RBKS: variants seen among roughly 807,000 people sequenced by gnomAD.
The protein encoded by RBKS is ribokinase.
Under a neutral mutation model 33.9 loss-of-function variants are expected in RBKS, and 33 were observed. That is an observed-to-expected ratio of 0.97 (90% CI 0.74 to 1.30). The LOEUF is 1.30. Among genes scored for constraint, RBKS ranks in the 50% most tolerant of loss-of-function variants. The pLI is 0.00. For synonymous variants in RBKS, 125 were observed against 143.0 expected (o/e 0.87, Z 0.90); for missense variants, 361 against 392.6 (o/e 0.92, Z 0.68).
At chr2:27,865,386 C>T (rs982298324) in intron 1 of RBKS, among the ~76,000 whole-genome samples, 2 of 152,126 alleles carry the variant, frequency 1.3e-5, no homozygotes, top group African/African-American at 4.8e-5. Flanking sequence ...CTCAGAAAGT[C>T]CTGATCATGC....
chr2:27,817,141 A>G lies in RBKS; in HGVS notation c.795+10426T>C, dbSNP rs78179193. Among the ~76,000 whole-genome samples the G allele has an allele frequency of 8.3e-3, 1,261 of 152,284 alleles. 13 individuals carry two copies. Among genetic ancestry groups the G allele is most frequent in the African/African-American group, 0.029 (1,190 of 41,556 alleles). On this transcript the variant is annotated intron_variant, in intron 7 of 7. Coordinates refer to ENST00000302188, the MANE Select transcript of RBKS (RefSeq NM_022128.3). Reference sequence around the variant, plus strand: ...ACCAGAACTCTTTTATTATTTGCAGAGGGCCTGTTATTATATGCCAAGCAT... The same window carrying G: ...ACCAGAACTCTTTTATTATTTGCAGGGGGCCTGTTATTATATGCCAAGCAT...
rs145379731 is a variant in RBKS, at chr2:27,842,122, C to A, written c.514+945G>T. On this transcript the variant is annotated intron_variant, in intron 5 of 7. Transcript: ENST00000302188. ...AAATCAGGTAATTCTGCTAGGACCA[C>A]GAAGCTGACAAGGGACAGAAATGGG... Among the ~76,000 whole-genome samples, 966 of 152,222 alleles carry A rather than the reference C, an allele frequency of 6.3e-3. 7 individuals are homozygous for A. Among genetic ancestry groups the A allele is most frequent in the Non-Finnish European group, 7.9e-3 (538 of 68,032 alleles).
At chr2:27,785,479 G>A (rs1449559125) in intron 7 of RBKS, among the ~76,000 whole-genome samples, 4 of 152,060 alleles carry the variant, frequency 2.6e-5, no homozygotes, top group Non-Finnish European at 4.4e-5. Context: ...AATGTGTAAC[G>A]CTCGGATGGG....
chr2:27,825,322 T>G lies in RBKS; in HGVS notation c.795+2245A>C, dbSNP rs138692959. On this transcript the variant is annotated intron_variant, in intron 7 of 7. Coordinates refer to ENST00000302188, the MANE Select transcript of RBKS (RefSeq NM_022128.3). The stretch of plus-strand genomic sequence containing the variant: ...ATTAGCATTTACATTGTTATGACTA[T>G]GCATTTATAGCATTTATAGCCACGT... Among the ~76,000 whole-genome samples, 567 of 152,358 alleles carry G rather than the reference T, an allele frequency of 3.7e-3. 3 individuals carry two copies. Among genetic ancestry groups the G allele is most frequent in the South Asian group, 0.011 (55 of 4,830 alleles).
At chr2:27,793,394 G>T (rs1449176034) in intron 7 of RBKS, among the ~76,000 whole-genome samples, 1 of 152,154 alleles carries the variant, frequency 6.6e-6, no homozygotes, top group Non-Finnish European at 1.5e-5. Context: ...TGAGAAACCT[G>T]CTAGGCACCA....
chr2:27,876,928 C>A (rs993872990), intron 1 of RBKS, among the ~76,000 whole-genome samples: 22 of 152,182 alleles, frequency 1.4e-4, no homozygotes, highest in African/African-American at 5.1e-4. Flanking sequence ...TCAAGGAAAT[C>A]GGTCCTTACT....
intron 7 of RBKS, among the ~76,000 whole-genome samples, chr2:27,824,260 A>G (rs1678271133): frequency 6.6e-6 from 1 of 152,224 alleles, no homozygotes; most frequent in Non-Finnish European, 1.5e-5. Context: ...CTATTTTAAC[A>G]TAAATAACTC....
At chr2:27,792,062 G>T (rs1038072100) in intron 7 of RBKS, among the ~76,000 whole-genome samples, 1 of 152,212 alleles carries the variant, frequency 6.6e-6, no homozygotes, top group African/African-American at 2.4e-5. Context: ...AACCTTGACA[G>T]TTACTTCCTG....
At chr2:27,850,182 C>T (rs1663710460) in intron 2 of RBKS, among the ~76,000 whole-genome samples, 1 of 152,146 alleles carries the variant, frequency 6.6e-6, no homozygotes, top group Admixed American at 6.5e-5. Flanking sequence ...ATTTTAAAAA[C>T]AGTTTTAGGT....
At chr2:27,865,236 C>T (rs1471824433) in intron 1 of RBKS, among the ~76,000 whole-genome samples, 1 of 152,156 alleles carries the variant, frequency 6.6e-6, no homozygotes, top group African/African-American at 2.4e-5. Flanking sequence ...AGGAGAATGG[C>T]GTGAACCCAG....
rs147697898 is a variant in RBKS at position 27,800,121 on chromosome 2, C to T, written c.796-18333G>A. On this transcript the variant is annotated intron_variant, in intron 7 of 7. Coordinates refer to ENST00000302188, the MANE Select transcript of RBKS (RefSeq NM_022128.3). The stretch of plus-strand genomic sequence containing the variant: ...AGGTTGGGTTACAGTGGCGCGATCA[C>T]GGCTCACTGCAGCCTCAACCTCCTG... Among the ~76,000 whole-genome samples, 1,032 of 148,654 alleles carry T rather than the reference C, an allele frequency of 6.9e-3. 6 individuals are homozygous for T. Among genetic ancestry groups the T allele is most frequent in the Non-Finnish European group, 0.01 (700 of 67,460 alleles).
intron 2 of RBKS, 57 bp downstream of exon 2, chr2:27,858,382 C>T: frequency 6.6e-7 from 1 of 1,519,668 alleles, no homozygotes; most frequent in Non-Finnish European, 8.9e-7. Context: ...CAATGAACTC[C>T]AGTCTTAAAA....
At chr2:27,851,338 A>T (rs1309781138) in intron 2 of RBKS, among the ~76,000 whole-genome samples, 8 of 151,934 alleles carry the variant, frequency 5.3e-5, no homozygotes, top group Non-Finnish European at 1.5e-5. Context: ...TAATCCTCTC[A>T]TCTCCACACC....
At chr2:27,827,902 A>C in intron 6 of RBKS, 147 bp from the exon 7 acceptor site, 1 of 635,418 alleles carries the variant, frequency 1.6e-6, no homozygotes, top group Non-Finnish European at 2.5e-6. Flanking sequence ...ACAGGAAAAT[A>C]AATAAAGCAA....
At chr2:27,850,793 G>T (rs1211258547) in intron 2 of RBKS, among the ~76,000 whole-genome samples, 1 of 152,150 alleles carries the variant, frequency 6.6e-6, no homozygotes, top group Non-Finnish European at 1.5e-5. Context: ...TGCAGGTTTT[G>T]GTGTAAATGC....
At chr2:27,836,444 T>C (rs1678520559) in intron 5 of RBKS, among the ~76,000 whole-genome samples, 1 of 152,174 alleles carries the variant, frequency 6.6e-6, no homozygotes, top group Non-Finnish European at 1.5e-5. Flanking sequence ...GCTAGCCATA[T>C]GCAGAAGAAT....
At chr2:27,881,011 C>T (rs979746634) in intron 1 of RBKS, among the ~76,000 whole-genome samples, 1 of 150,082 alleles carries the variant, frequency 6.7e-6, no homozygotes, top group African/African-American at 2.5e-5. Flanking sequence ...CCCAGGAGTT[C>T]GAGACTAGCC....
At chr2:27,866,296 A>G (rs1573073020) in intron 1 of RBKS, among the ~76,000 whole-genome samples, 2 of 152,062 alleles carry the variant, frequency 1.3e-5, no homozygotes, top group East Asian at 3.8e-4. Context: ...TTGTTCCTCT[A>G]TATGTAATGT....
At chr2:27,875,346 G>A (rs1664290245) in intron 1 of RBKS, among the ~76,000 whole-genome samples, 2 of 152,124 alleles carry the variant, frequency 1.3e-5, no homozygotes, top group African/African-American at 2.4e-5. Flanking sequence ...TTAGGAGTTC[G>A]AGAGCAGCCT....
Sources: allele counts gnomAD v4.1 joint callset (sites outside exome capture counted in the v4.1 genomes callset), GRCh38; gene constraint gnomAD v4.1.1; transcripts MANE v1.5; gene names NCBI Gene and HGNC (gene_info 2026-07-23, HGNC 2026-07-21).